Variants in OSMR observed in about 807,000 individuals in gnomAD.
OSMR encodes oncostatin M receptor.
A neutral mutation model predicts 99.9 loss-of-function variants in OSMR; 81 were observed. The observed-to-expected ratio is 0.81, with a 90% CI of 0.68 to 0.97. The LOEUF (loss-of-function observed/expected upper bound fraction) is 0.97, where lower values mean the gene tolerates loss of function less well. Among genes scored for constraint, OSMR ranks in the 50% least tolerant of loss-of-function variants. The pLI, the probability that OSMR is intolerant of heterozygous loss-of-function variation, is 0.00. For missense variants in OSMR, 1,099 were observed against 1,153.4 expected (o/e 0.95, Z 0.68); for synonymous variants, 406 against 410.4 (o/e 0.99, Z 0.13).
At chr5:38,922,029 C>G (rs770289326) in intron 12 of OSMR, among the ~76,000 whole-genome samples, 1 of 152,168 alleles carries the variant, frequency 6.6e-6, no homozygotes. Context: ...TTTTCATAAA[C>G]TTGTTTCTTT....
intron 9 of OSMR, among the ~76,000 whole-genome samples, chr5:38,916,323 C>T (rs1439799047): frequency 6.6e-6 from 1 of 152,134 alleles, no homozygotes; most frequent in Non-Finnish European, 1.5e-5. Context: ...AATTGACCAT[C>T]CATTTTCTAA....
intron 1 of OSMR, among the ~76,000 whole-genome samples, chr5:38,866,263 T>C (rs554763584): frequency 6.6e-6 from 1 of 152,124 alleles, no homozygotes; most frequent in Non-Finnish European, 1.5e-5. Flanking sequence ...TGGGGCAAGT[T>C]GATCCCTAGG....
intron 1 of OSMR, among the ~76,000 whole-genome samples, chr5:38,862,335 C>A (rs1741482031): frequency 9.5e-6 from 1 of 105,720 alleles, no homozygotes; most frequent in African/African-American, 3.9e-5. Context: ...GCTGGCCGGG[C>A]AGAGGGGCTC....
chr5:38,907,253 T>G (rs1316304276), intron 9 of OSMR, among the ~76,000 whole-genome samples: 2 of 152,144 alleles, frequency 1.3e-5, no homozygotes, highest in Non-Finnish European at 2.9e-5. Context: ...CAGCAACTCC[T>G]GGGGAAGGGG....
intron 1 of OSMR, among the ~76,000 whole-genome samples, chr5:38,862,696 G>T (rs1262379142): frequency 6.6e-6 from 1 of 151,638 alleles, no homozygotes; most frequent in Non-Finnish European, 1.5e-5. Context: ...GCCGGGCAGA[G>T]ACGCTCCTCA....
chr5:38,861,998 G>A (rs1466902083), intron 1 of OSMR, among the ~76,000 whole-genome samples: 5 of 127,306 alleles, frequency 3.9e-5, no homozygotes, highest in Admixed American at 7.3e-5. Context: ...CCTCCCGGAC[G>A]GGGCGGCTGG....
chr5:38,927,328 C>A (rs1227826615), intron 15 of OSMR, among the ~76,000 whole-genome samples: 1 of 152,254 alleles, frequency 6.6e-6, no homozygotes, highest in African/African-American at 2.4e-5. Flanking sequence ...TTCCACACTG[C>A]CCTAGCAGAG....
intron 1 of OSMR, 65 bp downstream of exon 1, chr5:38,846,452 A>C (rs2292018): frequency 0.25 from 37,667 of 152,168 alleles, 4,891 homozygotes; most frequent in South Asian, 0.4. Context: ...CATTTCTCAG[A>C]CTGTTTGAAA....
intron 1 of OSMR, among the ~76,000 whole-genome samples, chr5:38,863,790 ATCTT>A (rs1374166736): frequency 6.6e-6 from 1 of 152,084 alleles, no homozygotes; most frequent in Non-Finnish European, 1.5e-5. Context: ...ATTAGAGTCT[ATCTT>A]TCCTTTTAGA....
At chr5:38,900,651 G>A (rs75239586) in intron 7 of OSMR, among the ~76,000 whole-genome samples, 2,936 of 152,268 alleles carry the variant, frequency 0.019, 95 homozygotes, top group African/African-American at 0.067. Context: ...CAATGAGAAG[G>A]ATTACATAAT....
chr5:38,932,318 G>T (rs1746789392), intron 16 of OSMR, 145 bp from the exon 17 acceptor site: 1 of 698,754 alleles, frequency 1.4e-6, no homozygotes, highest in Admixed American at 2.2e-5. Flanking sequence ...TTAGCCATAA[G>T]AAATTAAAGC....
intron 1 of OSMR, among the ~76,000 whole-genome samples, chr5:38,862,332 G>A (rs865782751): frequency 9.5e-6 from 1 of 105,322 alleles, no homozygotes; most frequent in Non-Finnish European, 1.9e-5. Context: ...GTGGCTGGCC[G>A]GGCAGAGGGG....
rs1325644430 is a variant in OSMR, at chr5:38,931,920, C to G, written c.2250C>G (p.Phe750Leu). 20 of 1,613,562 alleles carry G rather than the reference C, an allele frequency of 1.2e-5. No individual in the cohort carries two copies. Among genetic ancestry groups the G allele is most frequent in the Non-Finnish European group, 1.7e-5 (20 of 1,179,688 alleles). Residue 750 changes from phenylalanine (F) to leucine (L), a missense_variant, in exon 16 of 18, where the codon TTC (phenylalanine) becomes TTG (leucine). Coordinates refer to ENST00000274276, the MANE Select transcript of OSMR (RefSeq NM_003999.3). ...TTCATATCCTACTGCCCATGGTTTT[C>G]TGCGTCTTGCTCATCATGGTCATGT... ...MLIHILLPMV[F>L]CVLLIMVMCY...
At chr5:38,885,921 C>G in intron 6 of OSMR, 118 bp from the exon 7 acceptor site, 2 of 1,494,524 alleles carry the variant, frequency 1.3e-6, no homozygotes, top group Non-Finnish European at 1.8e-6. Flanking sequence ...GGATCAATGC[C>G]ATTATGGGGA....
At chr5:38,865,457 A>G (rs1741865616) in intron 1 of OSMR, among the ~76,000 whole-genome samples, 1 of 152,148 alleles carries the variant, frequency 6.6e-6, no homozygotes, top group Admixed American at 6.5e-5. Flanking sequence ...TTAGGTTTTG[A>G]TTCTGGCTGG....
chr5:38,913,537 G>A (rs1745721812), intron 9 of OSMR, among the ~76,000 whole-genome samples: 1 of 134,852 alleles, frequency 7.4e-6, no homozygotes, highest in Non-Finnish European at 1.6e-5. Flanking sequence ...ACGACAGAGT[G>A]AGACTCCATC....
At chr5:38,926,085 T>C (rs1432463384) in intron 15 of OSMR, among the ~76,000 whole-genome samples, 1 of 152,082 alleles carries the variant, frequency 6.6e-6, no homozygotes, top group Non-Finnish European at 1.5e-5. Context: ...TAAACAGGAA[T>C]GTGGTGAGAG....
chr5:38,928,684 CA>C (rs1746583326), intron 15 of OSMR, among the ~76,000 whole-genome samples: 1 of 152,096 alleles, frequency 6.6e-6, no homozygotes, highest in Non-Finnish European at 1.5e-5. Flanking sequence ...TGGGTGGGGA[CA>C]CAGCCAAACC....
At chr5:38,925,958 A>C (rs571273602) in intron 15 of OSMR, among the ~76,000 whole-genome samples, 1 of 152,188 alleles carries the variant, frequency 6.6e-6, no homozygotes, top group African/African-American at 2.4e-5. Flanking sequence ...TGAGGTGGAG[A>C]GATAGATCTT....
Sources: allele counts gnomAD v4.1 joint callset (sites outside exome capture counted in the v4.1 genomes callset), GRCh38; gene constraint gnomAD v4.1.1; transcripts MANE v1.5; gene names NCBI Gene and HGNC (gene_info 2026-07-23, HGNC 2026-07-21).